Variants in COL15A1 observed in about 807,000 individuals in gnomAD.
COL15A1 encodes the protein collagen alpha-1(XV) chain.
A neutral mutation model predicts 165.9 loss-of-function variants in COL15A1; 111 were observed. The ratio of observed to expected loss-of-function variants is 0.67; its 90% CI spans 0.57 to 0.78. The LOEUF (loss-of-function observed/expected upper bound fraction) is 0.78, where lower values mean the gene tolerates loss of function less well. Ranked by LOEUF, COL15A1 falls within the 30% of genes least tolerant of loss-of-function variation. The pLI is 0.00. For synonymous variants in COL15A1, 659 were observed against 674.8 expected, an observed-to-expected ratio of 0.98 and a Z score of 0.36; for missense variants, 1,745 against 1,789.7, an observed-to-expected ratio of 0.98 and a Z score of 0.45.
At chr9:98,961,487 G>A (rs949025141) in intron 2 of COL15A1, among the ~76,000 whole-genome samples, 1 of 152,214 alleles carries the variant, frequency 6.6e-6, no homozygotes, top group Non-Finnish European at 1.5e-5. Flanking sequence ...GGGATGATGG[G>A]CTGGAAGAGG....
chr9:98,996,572 C>A (rs1250019440), intron 5 of COL15A1, among the ~76,000 whole-genome samples: 1 of 152,228 alleles, frequency 6.6e-6, no homozygotes, highest in Non-Finnish European at 1.5e-5. Context: ...CAGCCTGGTT[C>A]ATTCATTTGT....
chr9:99,041,936 C>T, intron 23 of COL15A1, 109 bp from the exon 24 acceptor site: 2 of 680,534 alleles, frequency 2.9e-6, no homozygotes, highest in Non-Finnish European at 5.1e-6. Flanking sequence ...TTCCACCTAC[C>T]TGGGGGATGG....
intron 2 of COL15A1, among the ~76,000 whole-genome samples, chr9:98,974,377 T>G (rs888702495): frequency 6.6e-6 from 1 of 152,078 alleles, no homozygotes; most frequent in Non-Finnish European, 1.5e-5. Context: ...CAGATGTGAT[T>G]TAGACATACC....
At chr9:99,001,163 C>T (rs570810695) in intron 7 of COL15A1, among the ~76,000 whole-genome samples, 2 of 152,262 alleles carry the variant, frequency 1.3e-5, no homozygotes, top group Middle Eastern at 3.4e-3. Context: ...GGGGGATATG[C>T]AGTGCAAGCT....
chr9:98,957,868 CTTTTT>C (rs1266353118), intron 2 of COL15A1, among the ~76,000 whole-genome samples: 1 of 151,538 alleles, frequency 6.6e-6, no homozygotes, highest in Non-Finnish European at 1.5e-5. Flanking sequence ...CTTTTTTTTT[CTTTTT>C]TTAAGAAATG....
In COL15A1 at chr9:99,036,345, G is replaced by C. The variant is rs1350192268; in HGVS notation, c.2358G>C (p.Val786=). 1 of 1,613,982 alleles carries C rather than the reference G, an allele frequency of 6.2e-7. No homozygotes were observed. The highest frequency in any genetic ancestry group is 8.5e-7 in the Non-Finnish European group (1 of 1,180,032). ...GGGGGATGGATGGAGCCAGTATTGT[G>C]GGACCCCCTGGGCCGAGAGGGCCAC... ...GERGMDGASI[V]GPPGPRGPPG... The change falls in exon 21 of 42, where the codon GTG becomes GTC. Residue 786 remains valine (V), a synonymous_variant. Transcript: ENST00000375001.
intron 10 of COL15A1, among the ~76,000 whole-genome samples, 198 bp downstream of exon 10, chr9:99,015,764 G>A (rs1206740458): frequency 2.0e-5 from 3 of 152,198 alleles, no homozygotes; most frequent in Non-Finnish European, 2.9e-5. Context: ...TCCTAGCCTT[G>A]CCCAAGAATT....
rs12335383 is a variant in COL15A1 at position 99,020,486 on chromosome 9, A to G, written c.1701+44A>G. 9,779 of 1,355,176 alleles carry G rather than the reference A, an allele frequency of 7.2e-3. 555 individuals are homozygous for G. The African/African-American group carries it at 0.12, about 17-fold the overall frequency. 83.9% of individuals were successfully genotyped at this position (1,355,176 alleles called of 1,614,324 possible). ...CTGGGGAACACTTTGGCTCCTGATC[A>G]AGTGTCCTGAACATGTTATTTAGGT... On this transcript the variant is annotated intron_variant, in intron 12 of 41. Coordinates refer to ENST00000375001, the MANE Select transcript of COL15A1 (RefSeq NM_001855.5).
At position 99,015,975 on chromosome 9, in the gene COL15A1, G is replaced by A; in HGVS notation, c.1504-1G>A. 1 of 1,613,216 alleles carries A rather than the reference G, an allele frequency of 6.2e-7. No individual in the cohort carries two copies. ...TGCCTTAATGCTGGTTTTGTTTTCAGGGTCCTGGTGATGAAGAAGACTTGG... is the reference window on the plus strand; with the variant it reads ...TGCCTTAATGCTGGTTTTGTTTTCAAGGTCCTGGTGATGAAGAAGACTTGG... On this transcript the variant is annotated splice_acceptor_variant, in intron 10 of 41. Transcript: ENST00000375001. LOFTEE classifies it high-confidence loss of function.
chr9:98,967,537 G>A (rs903082563), intron 2 of COL15A1, among the ~76,000 whole-genome samples: 2 of 152,246 alleles, frequency 1.3e-5, no homozygotes, highest in African/African-American at 4.8e-5. Context: ...GGACATTCCT[G>A]TTTTCCATCA....
chr9:98,989,434 C>T (rs1395050663), intron 5 of COL15A1, among the ~76,000 whole-genome samples, 176 bp downstream of exon 5: 5 of 152,164 alleles, frequency 3.3e-5, no homozygotes, highest in Non-Finnish European at 7.3e-5. Flanking sequence ...TTGCAAAATC[C>T]CCTGGTGAAC....
intron 31 of COL15A1, among the ~76,000 whole-genome samples, chr9:99,053,812 A>G (rs1442357983): frequency 6.6e-6 from 1 of 151,942 alleles, no homozygotes; most frequent in Non-Finnish European, 1.5e-5. Context: ...CCTCATCTAC[A>G]CTTTGTGGCC....
At position 99,067,165 on chromosome 9, in the gene COL15A1, C is replaced by G. The variant is rs1825909881; in HGVS notation, c.3837+98C>G. ...CCTGACATCAACAGAAGACTGTTGA[C>G]TTAAGCCTGCTCTCTCCCTTACTGG... On this transcript the variant is annotated intron_variant, in intron 40 of 41. Transcript: ENST00000375001. The G allele has an allele frequency of 5.8e-6, 6 of 1,032,702 alleles. No individual in the cohort carries two copies. In the South Asian group the frequency reaches 9.4e-5, roughly 16 times the overall value. 64.0% of individuals were successfully genotyped at this position (1,032,702 alleles called of 1,614,324 possible). A position where few individuals can be genotyped will look rare whatever the true frequency, so the allele number is the denominator to read the frequency against.
chr9:99,042,282 A>G (rs1219388564), intron 24 of COL15A1, among the ~76,000 whole-genome samples, 175 bp downstream of exon 24: 2 of 152,228 alleles, frequency 1.3e-5, no homozygotes, highest in East Asian at 3.8e-4. Context: ...ATAAGGTTGT[A>G]CAACCTCATG....
At chr9:98,948,435 A>G (rs1474059104) in intron 2 of COL15A1, among the ~76,000 whole-genome samples, 2 of 152,010 alleles carry the variant, frequency 1.3e-5, no homozygotes, top group Non-Finnish European at 2.9e-5. Context: ...TGTCTCTACT[A>G]AAAATACAAA....
chr9:99,042,442 A>G (rs1416600053), intron 24 of COL15A1, among the ~76,000 whole-genome samples: 2 of 152,220 alleles, frequency 1.3e-5, no homozygotes, highest in African/African-American at 2.4e-5. Context: ...GATTTTTACC[A>G]TAATTTGGAA....
intron 9 of COL15A1, among the ~76,000 whole-genome samples, chr9:99,011,415 A>AGAAAAAAC (rs1339640361): frequency 6.9e-6 from 1 of 145,254 alleles, no homozygotes; most frequent in East Asian, 2.2e-4. Flanking sequence ...TGAAAAAAAA[A>AGAAAAAAC]AAAAAAAAAG....
chr9:99,023,797 C>T (rs1263915502), intron 14 of COL15A1, among the ~76,000 whole-genome samples: 1 of 152,190 alleles, frequency 6.6e-6, no homozygotes, highest in East Asian at 1.9e-4. Flanking sequence ...CTCCCTCCCC[C>T]TCCTCTCACC....
At chr9:99,008,654 G>A (rs1037776040) in intron 9 of COL15A1, among the ~76,000 whole-genome samples, 3 of 151,988 alleles carry the variant, frequency 2.0e-5, no homozygotes, top group Admixed American at 6.6e-5. Context: ...TTGTCTCCCA[G>A]GCTGGAATGC....
Sources: allele counts gnomAD v4.1 joint callset (sites outside exome capture counted in the v4.1 genomes callset), GRCh38; gene constraint gnomAD v4.1.1; transcripts MANE v1.5; gene names NCBI Gene and HGNC (gene_info 2026-07-23, HGNC 2026-07-21).